ATG14: variants seen among roughly 807,000 people sequenced by gnomAD.
ATG14 encodes beclin 1-associated autophagy-related key regulator.
ATG14 carries 35 observed loss-of-function variants against 60.4 expected under a neutral mutation model. The ratio of observed to expected loss-of-function variants is 0.58; its 90% CI spans 0.44 to 0.77. The LOEUF is 0.77. ATG14 is among the 30% of genes least tolerant of loss of function. The pLI is 0.00. For missense variants in ATG14, 647 were observed against 626.3 expected, an observed-to-expected ratio of 1.03 and a Z score of -0.35; for synonymous variants, 234 against 228.8, an observed-to-expected ratio of 1.02 and a Z score of -0.21.
chr14:55,406,142 G>A (rs1302224161), intron 1 of ATG14, among the ~76,000 whole-genome samples: 1 of 152,168 alleles, frequency 6.6e-6, no homozygotes, highest in Admixed American at 6.5e-5. Flanking sequence ...ATTAATGTGA[G>A]ATCAATTTAT....
At chr14:55,400,302 T>C (rs1293379412) in intron 1 of ATG14, among the ~76,000 whole-genome samples, 1 of 152,216 alleles carries the variant, frequency 6.6e-6, no homozygotes, top group Non-Finnish European at 1.5e-5. Flanking sequence ...AATTTAATGA[T>C]ACATATTATA....
intron 5 of ATG14, among the ~76,000 whole-genome samples, chr14:55,384,217 C>G (rs371107747): frequency 6.6e-6 from 1 of 152,182 alleles, no homozygotes; most frequent in South Asian, 2.1e-4. Context: ...AAGATTAAAA[C>G]AGCACAGAAA....
chr14:55,394,137 G>C (rs543603118), intron 3 of ATG14, among the ~76,000 whole-genome samples: 1 of 151,860 alleles, frequency 6.6e-6, no homozygotes, highest in Non-Finnish European at 1.5e-5. Context: ...CTCCTGAGTA[G>C]CTGGGATTAC....
intron 3 of ATG14, among the ~76,000 whole-genome samples, chr14:55,395,620 T>C (rs989455380): frequency 2.0e-5 from 3 of 152,248 alleles, no homozygotes; most frequent in Admixed American, 6.5e-5. Flanking sequence ...CATATTTTCT[T>C]TGACACATTT....
intron 1 of ATG14, among the ~76,000 whole-genome samples, chr14:55,406,415 A>C (rs1885491623): frequency 6.6e-6 from 1 of 152,198 alleles, no homozygotes; most frequent in African/African-American, 2.4e-5. Context: ...GCTTTTCATG[A>C]AGTTAAGGGG....
rs772908233 is a variant in ATG14 at position 55,377,804 on chromosome 14, C to T, written c.1172+15G>A. On this transcript the variant is annotated intron_variant, in intron 9 of 9. Coordinates refer to ENST00000247178, the MANE Select transcript of ATG14 (RefSeq NM_014924.5). ...CACAAAAACACTTAGAGAAAAGCAACAAATATCTTCTTACCTGCCTAGGTG... is the reference window on the plus strand; with the variant it reads ...CACAAAAACACTTAGAGAAAAGCAATAAATATCTTCTTACCTGCCTAGGTG... The T allele has an allele frequency of 1.3e-6, 2 of 1,545,208 alleles. No homozygotes were observed. The highest frequency in any genetic ancestry group is 2.2e-5 in the East Asian group (1 of 44,474).
chr14:55,391,007 T>C lies in ATG14; in HGVS notation c.328-15A>G. 1.3e-6 allele frequency: 2 copies of C among 1,583,564 alleles called. No individual in the cohort carries two copies. Among genetic ancestry groups the C allele is most frequent in the Non-Finnish European group, 1.7e-6 (2 of 1,157,414 alleles). ...ATTTTCCATCTCTGAAAAAAGCATG[T>C]AATAAATATCACAAACGTTGGTCTC... On this transcript the variant is annotated splice_polypyrimidine_tract_variant and intron_variant, in intron 3 of 9. Coordinates refer to ENST00000247178, the MANE Select transcript of ATG14 (RefSeq NM_014924.5).
At chr14:55,388,141 C>A (rs902196267) in intron 4 of ATG14, among the ~76,000 whole-genome samples, 1 of 152,068 alleles carries the variant, frequency 6.6e-6, no homozygotes, top group African/African-American at 2.4e-5. Context: ...CATCTCAAAA[C>A]CAACAACAAC....
intron 1 of ATG14, among the ~76,000 whole-genome samples, chr14:55,406,796 C>T (rs1325346571): frequency 3.9e-5 from 6 of 152,176 alleles, no homozygotes; most frequent in African/African-American, 1.4e-4. Flanking sequence ...AAGCAGACCA[C>T]TGTGACAGTC....
Position 55,392,437 on chromosome 14 carries a change from C to T in ATG14, c.328-1445G>A, listed in dbSNP as rs770502143. On this transcript the variant is annotated intron_variant, in intron 3 of 9. Transcript: ENST00000247178. ...CTGAGGCAGGCACATCACTTGAGCT[C>T]AGGAGTTCGAGGCCAGCCTGGGCAA... Among the ~76,000 whole-genome samples the T allele has an allele frequency of 8.4e-4, 128 of 152,238 alleles. No individual in the cohort carries two copies. In the Middle Eastern group the frequency reaches 0.01, roughly 12 times the overall value.
At chr14:55,382,313 ATTTTTAT>A (rs1885050375) in intron 5 of ATG14, 122 bp from the exon 6 acceptor site, 1 of 771,926 alleles carries the variant, frequency 1.3e-6, no homozygotes, top group Non-Finnish European at 2.1e-6. Flanking sequence ...TTTACATTAA[ATTTTTAT>A]TTTTTATTTT....
chr14:55,372,192 C>G (rs753938009), intron 9 of ATG14, among the ~76,000 whole-genome samples: 1 of 152,158 alleles, frequency 6.6e-6, no homozygotes, highest in Admixed American at 6.5e-5. Context: ...CCACCTCCCA[C>G]TCTGTCTGGG....
chr14:55,371,629 CCT>C (rs1884819203), intron 9 of ATG14, among the ~76,000 whole-genome samples: 1 of 152,032 alleles, frequency 6.6e-6, no homozygotes, highest in African/African-American at 2.4e-5. Context: ...ACAGTGAAAC[CCT>C]GTCTCTACTA....
chr14:55,383,098 G>C (rs1049469423), intron 5 of ATG14, among the ~76,000 whole-genome samples: 2 of 152,164 alleles, frequency 1.3e-5, no homozygotes, highest in Non-Finnish European at 2.9e-5. Context: ...AGTCTCTCAA[G>C]TGCTTTTCCT....
intron 9 of ATG14, among the ~76,000 whole-genome samples, 192 bp from the exon 10 acceptor site, chr14:55,370,117 T>A (rs1403192689): frequency 6.6e-6 from 1 of 152,138 alleles, no homozygotes; most frequent in Non-Finnish European, 1.5e-5. Context: ...TCCACCCAAG[T>A]TATAAATAAA....
intron 9 of ATG14, among the ~76,000 whole-genome samples, chr14:55,373,747 C>G (rs1259849597): frequency 6.6e-6 from 1 of 151,976 alleles, no homozygotes; most frequent in African/African-American, 2.4e-5. Context: ...GTGTGAGCCA[C>G]CATGCCTGGT....
chr14:55,402,942 TATATATATATATATATATATATATATAA>T lies in ATG14; in HGVS notation c.222-5536_222-5509del, dbSNP rs1233699217. Among the ~76,000 whole-genome samples the T allele has an allele frequency of 1.3e-3, 61 of 48,160 alleles. 3 individuals are homozygous for T. The highest frequency in any genetic ancestry group is 2.1e-3 in the Non-Finnish European group (53 of 25,476). 31.6% of individuals were successfully genotyped at this position (48,160 alleles called of 152,430 possible). ...AAAAAAAAAAATATATATATATATATATATATATATATATATATATATATATAAATAGCTGGGCATAGTGGTGCATGGC... is the reference window on the plus strand; with the variant it reads ...AAAAAAAAAAATATATATATATATATATAGCTGGGCATAGTGGTGCATGGC... On this transcript the variant is annotated intron_variant, in intron 1 of 9. Transcript: ENST00000247178.
intron 7 of ATG14, among the ~76,000 whole-genome samples, chr14:55,379,287 G>A (rs1884983455): frequency 6.6e-6 from 1 of 152,114 alleles, no homozygotes; most frequent in Non-Finnish European, 1.5e-5. Context: ...TGTAATCCCA[G>A]CACTGTGGGA....
At chr14:55,406,579 C>A (rs2140154020) in intron 1 of ATG14, among the ~76,000 whole-genome samples, 1 of 152,248 alleles carries the variant, frequency 6.6e-6, no homozygotes, top group Admixed American at 6.5e-5. Context: ...CTCTGTATTG[C>A]CAGAAAATTT....
Sources: allele counts gnomAD v4.1 joint callset (sites outside exome capture counted in the v4.1 genomes callset), GRCh38; gene constraint gnomAD v4.1.1; transcripts MANE v1.5; gene names NCBI Gene and HGNC (gene_info 2026-07-23, HGNC 2026-07-21).